LTBP1: variants seen among roughly 807,000 people sequenced by gnomAD.
The protein encoded by LTBP1 is latent-transforming growth factor beta-binding protein 1.
LTBP1 carries 129 observed loss-of-function variants against 207.6 expected under a neutral mutation model. That is an observed-to-expected ratio of 0.62 (90% confidence interval 0.54 to 0.72). The LOEUF (loss-of-function observed/expected upper bound fraction) is 0.72, where lower values mean the gene tolerates loss of function less well. Ranked by LOEUF, LTBP1 falls within the 30% of genes least tolerant of loss-of-function variation. The pLI, the probability that LTBP1 is intolerant of heterozygous loss-of-function variation, is 0.00. For missense variants in LTBP1, 2,281 were observed against 2,217.2 expected, an observed-to-expected ratio of 1.03 and a Z score of -0.58; for synonymous variants, 963 against 833.7, an observed-to-expected ratio of 1.16 and a Z score of -2.67.
intron 20 of LTBP1, among the ~76,000 whole-genome samples, chr2:33,294,681 C>T (rs992853113): frequency 6.7e-6 from 1 of 149,044 alleles, no homozygotes; most frequent in African/African-American, 2.5e-5. Context: ...CAGGTTCAAG[C>T]GATTCTCCTG....
chr2:33,020,930 A>G lies in LTBP1; in HGVS notation c.587A>G (p.Gln196Arg). 6.3e-7 allele frequency: 1 copy of G among 1,590,314 alleles called. No homozygotes were observed. Reference protein sequence around the residue: ...CTKPSCVPPCQNGGMCLRPQL... With the variant: ...CTKPSCVPPCRNGGMCLRPQL... Reference sequence around the variant, plus strand: ...GCAGCTAGCTGTGTTCCGCCATGTCAGAATGGAGGGATGTGTCTCCGGCCA... The same window carrying G: ...GCAGCTAGCTGTGTTCCGCCATGTCGGAATGGAGGGATGTGTCTCCGGCCA... The change falls in exon 3 of 34, where the codon CAG becomes CGG. Residue 196 changes from glutamine (Q) to arginine (R), a missense_variant. By Grantham distance (43) the Gln-to-Arg change is conservative. Coordinates refer to ENST00000404816, the MANE Select transcript of LTBP1 (RefSeq NM_206943.4).
intron 15 of LTBP1, among the ~76,000 whole-genome samples, chr2:33,271,671 C>G (rs575983320): frequency 1.3e-5 from 2 of 152,250 alleles, no homozygotes; most frequent in East Asian, 3.9e-4. Context: ...GAAGAAAATG[C>G]TAATCCTAAA....
At chr2:33,200,182 A>C (rs1316466145) in intron 7 of LTBP1, among the ~76,000 whole-genome samples, 36 of 152,344 alleles carry the variant, frequency 2.4e-4, no homozygotes, top group East Asian at 1.9e-4. Flanking sequence ...ATCCTAAGCC[A>C]AAAGAACAAA....
chr2:33,222,916 C>T (rs752591090), intron 9 of LTBP1, among the ~76,000 whole-genome samples: 36 of 152,090 alleles, frequency 2.4e-4, no homozygotes, highest in Non-Finnish European at 4.0e-4. Context: ...CTTTACATGT[C>T]TAGGATGAAG....
chr2:33,237,671 T>C (rs1481027373), intron 9 of LTBP1, among the ~76,000 whole-genome samples: 2 of 152,194 alleles, frequency 1.3e-5, no homozygotes, highest in Non-Finnish European at 2.9e-5. Flanking sequence ...ATGAAAGAAA[T>C]CGGACTCATT....
intron 3 of LTBP1, among the ~76,000 whole-genome samples, chr2:33,069,468 G>A (rs2077678470): frequency 2.0e-5 from 3 of 152,206 alleles, no homozygotes. Context: ...CAACAAGCAA[G>A]TCTGAGCTGC....
At position 33,365,341 on chromosome 2, in the gene LTBP1, G is replaced by T; in HGVS notation, c.4549G>T (p.Glu1517Ter). Reference protein sequence around the residue: ...IRPAESNEQIEETDVYQDLCW... With the variant: ...IRPAESNEQI ...TATGTCTTCCCTTTCAGAACAAATAGAAGAAACTGATGTCTACCAAGATTT... is the reference window on the plus strand; with the variant it reads ...TATGTCTTCCCTTTCAGAACAAATATAAGAAACTGATGTCTACCAAGATTT... The change falls in exon 31 of 34, where the codon GAA becomes TAA. Residue 1517 changes from glutamate (E) to a stop codon, truncating the protein, a stop_gained. Coordinates refer to ENST00000404816, the MANE Select transcript of LTBP1 (RefSeq NM_206943.4). LOFTEE classifies it high-confidence loss of function. 6.2e-7 allele frequency: 1 copy of T among 1,614,102 alleles called. No homozygotes were observed. The highest frequency in any genetic ancestry group is 8.5e-7 in the Non-Finnish European group (1 of 1,179,974).
In LTBP1 at chr2:33,309,514, T is replaced by A. The variant is rs1381208930; in HGVS notation, c.3562T>A (p.Cys1188Ser). The A allele has an allele frequency of 6.2e-7, 1 of 1,610,764 alleles. No individual in the cohort carries two copies. The highest frequency in any genetic ancestry group is 8.5e-7 in the Non-Finnish European group (1 of 1,178,776). ...INTAGSYDCT[C>S]PDGFQLDDNK... ...TACTGCAGGGTCCTATGATTGTACT[T>A]GTCCGGATGGATTTCAGCTAGATGA... Residue 1188 changes from cysteine (C) to serine (S), a missense_variant, in exon 23 of 34, where the codon TGT becomes AGT. Physicochemically the swap from Cys to Ser is moderately radical, Grantham distance 112. This residue lies in a region of LTBP1 where 1,671 missense variants were observed against 1,634.8 expected (regional missense o/e 1.02). Coordinates refer to ENST00000404816, the MANE Select transcript of LTBP1 (RefSeq NM_206943.4).
chr2:33,245,668 A>G (rs548911907), intron 10 of LTBP1, among the ~76,000 whole-genome samples: 1 of 152,350 alleles, frequency 6.6e-6, no homozygotes, highest in African/African-American at 2.4e-5. Context: ...CAAAAATCAC[A>G]TTGTTGATGA....
At chr2:33,268,824 C>G (rs2093248180) in intron 15 of LTBP1, among the ~76,000 whole-genome samples, 1 of 152,184 alleles carries the variant, frequency 6.6e-6, no homozygotes, top group Admixed American at 6.5e-5. Flanking sequence ...TCCTCTGGCT[C>G]TTCCCAAGCT....
At chr2:33,295,507 A>T (rs1397110431) in intron 20 of LTBP1, among the ~76,000 whole-genome samples, 1 of 152,282 alleles carries the variant, frequency 6.6e-6, no homozygotes, top group East Asian at 1.9e-4. Context: ...AGCCTGAGTG[A>T]CAGAGCAAGA....
intron 5 of LTBP1, among the ~76,000 whole-genome samples, chr2:33,156,022 T>C (rs577434145): frequency 7.2e-5 from 11 of 152,364 alleles, no homozygotes; most frequent in Admixed American, 5.9e-4. Flanking sequence ...ATCAGAAATC[T>C]TAAATTAATA....
intron 7 of LTBP1, among the ~76,000 whole-genome samples, chr2:33,216,966 G>A (rs1425129130): frequency 6.6e-6 from 1 of 152,170 alleles, no homozygotes; most frequent in Non-Finnish European, 1.5e-5. Context: ...TCCTAGCTTG[G>A]CTGACCTCCC....
intron 25 of LTBP1, among the ~76,000 whole-genome samples, chr2:33,345,355 C>A (rs112325614): frequency 0.031 from 4,748 of 152,356 alleles, 94 homozygotes; most frequent in Admixed American, 0.036. Context: ...GCTGGCTCAT[C>A]ATTGTTACCC....
intron 5 of LTBP1, among the ~76,000 whole-genome samples, chr2:33,150,705 TTTTTC>T (rs2083447376): frequency 1.5e-5 from 2 of 132,038 alleles, no homozygotes; most frequent in African/African-American, 5.6e-5. Flanking sequence ...TTCTTTTTTC[TTTTTC>T]TTTTTTTTTT....
At chr2:32,958,099 CT>C (rs1428215328) in intron 2 of LTBP1, among the ~76,000 whole-genome samples, 1 of 152,168 alleles carries the variant, frequency 6.6e-6, no homozygotes, top group African/African-American at 2.4e-5. Context: ...GAAGTTCAGT[CT>C]TTGGAATTAG....
chr2:33,352,381 C>T (rs556095962), intron 26 of LTBP1, among the ~76,000 whole-genome samples: 1 of 152,172 alleles, frequency 6.6e-6, no homozygotes, highest in Non-Finnish European at 1.5e-5. Context: ...CCACCTGCCT[C>T]GGCCTTCCAA....
intron 2 of LTBP1, among the ~76,000 whole-genome samples, chr2:32,959,619 A>T (rs375263367): frequency 0.24 from 11,312 of 46,252 alleles, 1,472 homozygotes; most frequent in Non-Finnish European, 0.32. Flanking sequence ...ATATATATAT[A>T]TATTTTTTTT....
At chr2:33,334,648 C>T (rs2094534431) in intron 24 of LTBP1, among the ~76,000 whole-genome samples, 1 of 152,048 alleles carries the variant, frequency 6.6e-6, no homozygotes, top group South Asian at 2.1e-4. Flanking sequence ...AGGATGGTTT[C>T]CAACAGGATA....
Sources: gnomAD v4.1 joint callset for allele counts (sites outside exome capture counted in the v4.1 genomes callset) on GRCh38, gnomAD v4.1.1 for gene constraint, gnomAD v4.1.1 regional missense constraint, MANE v1.5 for transcripts, NCBI Gene and HGNC (gene_info 2026-07-23, HGNC 2026-07-21) for gene names.